DST: variants seen among roughly 807,000 people sequenced by gnomAD.
DST encodes the protein dystonin.
Under a neutral mutation model 875.2 loss-of-function variants are expected in DST, and 253 were observed. That is an observed-to-expected ratio of 0.29 (90% CI 0.26 to 0.32). The LOEUF is 0.32. Ranked by LOEUF, DST falls within the 10% of genes least tolerant of loss-of-function variation. The pLI, the probability that DST is intolerant of heterozygous loss-of-function variation, is 1.00. For synonymous variants in DST, 3,124 were observed against 3,197.1 expected (o/e 0.98, Z 0.77); for missense variants, 8,287 against 9,111.6 (o/e 0.91, Z 3.68).
chr6:56,673,538 G>C (rs974036778), intron 9 of DST, among the ~76,000 whole-genome samples: 7 of 152,212 alleles, frequency 4.6e-5, no homozygotes, highest in Admixed American at 4.6e-4. Context: ...ACAGGTTCAA[G>C]TGCTACACAG....
intron 10 of DST, among the ~76,000 whole-genome samples, chr6:56,655,511 G>T (rs932129444): frequency 6.6e-6 from 1 of 152,140 alleles, no homozygotes; most frequent in Non-Finnish European, 1.5e-5. Flanking sequence ...TTCAGAGTCT[G>T]CTGGTTGTGC....
chr6:56,611,741 G>A, intron 37 of DST, 145 bp from the exon 38 acceptor site: 1 of 609,324 alleles, frequency 1.6e-6, no homozygotes, highest in Non-Finnish European at 2.9e-6. Flanking sequence ...TCAGTTATTA[G>A]CAGTCTATAG....
At chr6:56,587,255 G>A (rs878958710) in intron 49 of DST, among the ~76,000 whole-genome samples, 3 of 151,548 alleles carry the variant, frequency 2.0e-5, no homozygotes, top group East Asian at 1.9e-4. Context: ...CGAGAACTAC[G>A]TGAAGAATGC....
At chr6:56,763,657 ACTC>A (rs2099623664) in intron 4 of DST, among the ~76,000 whole-genome samples, 1 of 144,430 alleles carries the variant, frequency 6.9e-6, no homozygotes, top group African/African-American at 2.7e-5. Context: ...ACAGAACGAG[ACTC>A]CTCTTAAAAA....
chr6:56,554,523 T>A (rs569880834), intron 60 of DST, among the ~76,000 whole-genome samples: 1 of 152,340 alleles, frequency 6.6e-6, no homozygotes, highest in South Asian at 2.1e-4. Context: ...TTTCTCCCAC[T>A]GTAAATTGAC....
chr6:56,885,403 T>C (rs1384463074), intron 3 of DST, among the ~76,000 whole-genome samples: 1 of 152,226 alleles, frequency 6.6e-6, no homozygotes, highest in Non-Finnish European at 1.5e-5. Flanking sequence ...CATACTGTTT[T>C]CTATAGCAGT....
chr6:56,811,354 C>G (rs1463261086), intron 4 of DST, among the ~76,000 whole-genome samples: 1 of 152,078 alleles, frequency 6.6e-6, no homozygotes, highest in Non-Finnish European at 1.5e-5. Context: ...CAGGTCCTCT[C>G]CCCCTGCTAC....
intron 2 of DST, among the ~76,000 whole-genome samples, chr6:56,931,281 C>T (rs771060286): frequency 2.0e-5 from 3 of 152,144 alleles, no homozygotes; most frequent in African/African-American, 4.8e-5. Context: ...ATTGAGCCTG[C>T]GAGTGCACAG....
chr6:56,884,418 T>C (rs1213962951), intron 3 of DST, among the ~76,000 whole-genome samples: 1 of 152,208 alleles, frequency 6.6e-6, no homozygotes, highest in Admixed American at 6.5e-5. Context: ...TTTATGTAAA[T>C]CTATAATTAG....
chr6:56,565,508 T>G (rs2097657369), intron 55 of DST, among the ~76,000 whole-genome samples: 1 of 152,178 alleles, frequency 6.6e-6, no homozygotes, highest in Non-Finnish European at 1.5e-5. Flanking sequence ...CAGCTGTGAA[T>G]CTGTCTGGTC....
chr6:56,632,112 TG>T, intron 28 of DST, 72 bp from the exon 29 acceptor site: 2 of 1,271,894 alleles, frequency 1.6e-6, no homozygotes, highest in Non-Finnish European at 1.1e-6. Context: ...TGTTTTAATA[TG>T]AGAATTTTAT....
intron 4 of DST, among the ~76,000 whole-genome samples, chr6:56,798,203 C>T (rs2099742603): frequency 6.6e-6 from 1 of 152,162 alleles, no homozygotes; most frequent in South Asian, 2.1e-4. Flanking sequence ...GAAGACTATA[C>T]CATAGATATC....
chr6:56,653,595 G>A (rs1009315563), intron 10 of DST, among the ~76,000 whole-genome samples: 11 of 152,232 alleles, frequency 7.2e-5, no homozygotes, highest in Middle Eastern at 3.4e-3. Flanking sequence ...TGAGGCAGGA[G>A]GATCACTTGA....
At chr6:56,807,977 A>G (rs1221155885) in intron 4 of DST, among the ~76,000 whole-genome samples, 6 of 152,210 alleles carry the variant, frequency 3.9e-5, no homozygotes. Context: ...ATTTTCTGAT[A>G]GAAAAAAATG....
At chr6:56,807,040 G>T (rs546606971) in intron 4 of DST, among the ~76,000 whole-genome samples, 1 of 148,372 alleles carries the variant, frequency 6.7e-6, no homozygotes, top group South Asian at 2.1e-4. Context: ...ATTGATACTT[G>T]TGAATTTCTC....
intron 2 of DST, among the ~76,000 whole-genome samples, chr6:56,927,943 G>A (rs963271360): frequency 1.3e-5 from 2 of 152,186 alleles, no homozygotes; most frequent in African/African-American, 4.8e-5. Flanking sequence ...ATGAGATTAA[G>A]TTACAAGATC....
chr6:56,805,792 G>C (rs574640162), intron 4 of DST, among the ~76,000 whole-genome samples: 1 of 152,340 alleles, frequency 6.6e-6, no homozygotes, highest in South Asian at 2.1e-4. Context: ...AAACAGTTGG[G>C]AAGTGGCATA....
intron 9 of DST, among the ~76,000 whole-genome samples, chr6:56,677,490 T>A (rs2099136813): frequency 6.6e-6 from 1 of 152,122 alleles, no homozygotes; most frequent in South Asian, 2.1e-4. Context: ...CTAATTCTTT[T>A]AAATTTTCTG....
intron 49 of DST, among the ~76,000 whole-genome samples, chr6:56,587,668 C>T (rs1364257457): frequency 2.6e-5 from 4 of 152,200 alleles, no homozygotes; most frequent in Non-Finnish European, 2.9e-5. Context: ...AGAGAAAGGT[C>T]GAGTTACCCA....
Sources: gnomAD v4.1 joint callset for allele counts (sites outside exome capture counted in the v4.1 genomes callset) on GRCh38, gnomAD v4.1.1 for gene constraint, MANE v1.5 for transcripts, NCBI Gene and HGNC (gene_info 2026-07-23, HGNC 2026-07-21) for gene names.